Variants in NTRK2 observed in about 807,000 individuals in gnomAD.
NTRK2 encodes the protein BDNF/NT-3 growth factors receptor.
In NTRK2, 13 loss-of-function variants were observed where a neutral mutation model predicts 94.5. The observed-to-expected ratio is 0.14, with a 90% CI of 0.09 to 0.22. The LOEUF (loss-of-function observed/expected upper bound fraction) is 0.22. Among genes scored for constraint, NTRK2 ranks in the 10% least tolerant of loss-of-function variants. The pLI is 1.00. For missense variants in NTRK2, 639 were observed against 1,071.2 expected (o/e 0.60, Z 5.63); for synonymous variants, 372 against 407.4 (o/e 0.91, Z 1.05).
At chr9:84,942,941 G>A (rs533365963) in intron 15 of NTRK2, among the ~76,000 whole-genome samples, 19 of 152,276 alleles carry the variant, frequency 1.2e-4, no homozygotes, top group Admixed American at 1.2e-3. Flanking sequence ...TCCTAACCCA[G>A]AGGAACTCAG....
chr9:84,819,766 G>C (rs2072666854), intron 12 of NTRK2, among the ~76,000 whole-genome samples: 1 of 152,150 alleles, frequency 6.6e-6, no homozygotes, highest in African/African-American at 2.4e-5. Flanking sequence ...CTCTGTCTGG[G>C]ATCCAGCAAA....
At chr9:84,891,186 T>C (rs1205490176) in intron 14 of NTRK2, among the ~76,000 whole-genome samples, 1 of 152,088 alleles carries the variant, frequency 6.6e-6, no homozygotes, top group African/African-American at 2.4e-5. Context: ...CCAGTTCTCA[T>C]GGATGCTTGT....
Position 85,021,242 on chromosome 9 carries a change from C to T in NTRK2, c.2332-10C>T, listed in dbSNP as rs1220689287. 29 of 1,613,464 alleles carry T rather than the reference C, an allele frequency of 1.8e-5. No homozygotes were observed. The highest frequency in any genetic ancestry group is 2.5e-5 in the Non-Finnish European group (29 of 1,179,546). ...CCTCCTGTCTCATCCTATCTTTGAT[C>T]TCCATCCAGGTGATAGAGTGTATCA... is the stretch of plus-strand genomic sequence containing the variant. On this transcript the variant is annotated splice_polypyrimidine_tract_variant and intron_variant, in intron 18 of 18. Transcript: ENST00000277120.
intron 14 of NTRK2, among the ~76,000 whole-genome samples, chr9:84,908,127 G>C (rs1197462428): frequency 6.6e-6 from 1 of 152,202 alleles, no homozygotes; most frequent in Non-Finnish European, 1.5e-5. Flanking sequence ...GCTCCCTCTA[G>C]CTGGACCCTT....
intron 12 of NTRK2, among the ~76,000 whole-genome samples, chr9:84,854,902 G>A (rs1049927945): frequency 1.7e-5 from 2 of 119,186 alleles, no homozygotes; most frequent in Admixed American, 1.2e-4. Context: ...GGCTGAGATT[G>A]CACCACTGCA....
At chr9:84,837,303 G>A (rs757933278) in intron 12 of NTRK2, among the ~76,000 whole-genome samples, 1 of 152,078 alleles carries the variant, frequency 6.6e-6, no homozygotes, top group African/African-American at 2.4e-5. Flanking sequence ...TTGAAACTAG[G>A]GGGTTTGGCT....
chr9:85,023,185 A>G lies in NTRK2; in HGVS notation c.*1748A>G, dbSNP rs570221396. 2 of 233,052 alleles carry G rather than the reference A, an allele frequency of 8.6e-6. No homozygotes were observed. The highest frequency in any genetic ancestry group is 1.8e-4 in the South Asian group (1 of 5,528). The allele number at this position is 233,052 out of a possible 1,614,324, so 14.4% of individuals were successfully genotyped here. On this transcript the variant is annotated 3_prime_UTR_variant, in exon 19 of 19. Transcript: ENST00000277120. ...GAAATTTACAGCTATTTGAATGGTC[A>G]GATATACCAAGAAAGAAAAATATTT... is the stretch of plus-strand genomic sequence containing the variant.
chr9:84,711,798 T>C (rs1370117452), intron 6 of NTRK2, among the ~76,000 whole-genome samples: 2 of 152,216 alleles, frequency 1.3e-5, no homozygotes, highest in Non-Finnish European at 2.9e-5. Context: ...GTCTGTTTCT[T>C]ACCCTGAATG....
intron 4 of NTRK2, among the ~76,000 whole-genome samples, chr9:84,702,711 G>A (rs978768021): frequency 6.6e-6 from 1 of 152,220 alleles, no homozygotes; most frequent in Non-Finnish European, 1.5e-5. Context: ...TCCTTGCACA[G>A]AGTTCTTGAT....
chr9:84,941,024 G>A (rs557060648), intron 15 of NTRK2, among the ~76,000 whole-genome samples: 1 of 152,170 alleles, frequency 6.6e-6, no homozygotes, highest in Non-Finnish European at 1.5e-5. Flanking sequence ...GAAGACAATT[G>A]TTAGTGTTAC....
In NTRK2 at chr9:85,021,714, G is replaced by A. The variant is rs75032173; in HGVS notation, c.*277G>A. 1.5e-4 allele frequency: 68 copies of A among 459,164 alleles called. 2 individuals carry two copies. Among genetic ancestry groups the A allele is most frequent in the Middle Eastern group, 5.8e-4 (1 of 1,728 alleles). The allele number at this position is 459,164 out of a possible 1,614,324, so 28.4% of individuals were successfully genotyped here. A position where few individuals can be genotyped will look rare whatever the true frequency, so the allele number is the denominator to read the frequency against. On this transcript the variant is annotated 3_prime_UTR_variant, in exon 19 of 19. Coordinates refer to ENST00000277120, the MANE Select transcript of NTRK2 (RefSeq NM_006180.6). Reference sequence around the variant, plus strand: ...AAATTTTCTTTTTCTTTTTTTTTTCGTCTTCCCTGCTTCACGATTCTTACC... The same window carrying A: ...AAATTTTCTTTTTCTTTTTTTTTTCATCTTCCCTGCTTCACGATTCTTACC...
chr9:84,763,578 G>T (rs2065782126), intron 12 of NTRK2, among the ~76,000 whole-genome samples: 1 of 151,684 alleles, frequency 6.6e-6, no homozygotes, highest in Non-Finnish European at 1.5e-5. Flanking sequence ...TTAACATCTT[G>T]TTATTGAAAA....
chr9:84,795,963 T>C (rs982463538), intron 12 of NTRK2, among the ~76,000 whole-genome samples: 1 of 152,088 alleles, frequency 6.6e-6, no homozygotes, highest in African/African-American at 2.4e-5. Context: ...CTTTTCTTTT[T>C]TTTTTTTTTG....
At chr9:84,837,156 A>C (rs935280522) in intron 12 of NTRK2, among the ~76,000 whole-genome samples, 4 of 152,090 alleles carry the variant, frequency 2.6e-5, no homozygotes, top group African/African-American at 9.7e-5. Flanking sequence ...CATGTCAGGC[A>C]TAGAGAAGCT....
chr9:84,944,499 A>G (rs2078529597), intron 15 of NTRK2, among the ~76,000 whole-genome samples: 1 of 152,224 alleles, frequency 6.6e-6, no homozygotes, highest in African/African-American at 2.4e-5. Flanking sequence ...GAATTTGTTC[A>G]TGCCTTGTGA....
intron 9 of NTRK2, among the ~76,000 whole-genome samples, chr9:84,733,966 C>T (rs2063074071): frequency 6.6e-6 from 1 of 152,214 alleles, no homozygotes; most frequent in South Asian, 2.1e-4. Context: ...TTAGCCTCCA[C>T]TTTCCATATT....
intron 14 of NTRK2, among the ~76,000 whole-genome samples, chr9:84,882,370 G>A (rs759550829): frequency 9.2e-5 from 14 of 152,152 alleles, no homozygotes; most frequent in Admixed American, 1.3e-4. Flanking sequence ...TGACAACAAG[G>A]GAGAGTATGA....
In NTRK2 at chr9:84,941,268, G is replaced by A. The variant is rs2078399525; in HGVS notation, c.1764+6976G>A. Among the ~76,000 whole-genome samples the A allele has an allele frequency of 1.3e-5, 2 of 152,188 alleles. 1 individual carries two copies. The highest frequency in any genetic ancestry group is 4.1e-4 in the South Asian group (2 of 4,828). On this transcript the variant is annotated intron_variant, in intron 15 of 18. Transcript: ENST00000277120. ...GCATGCATGCATGCAGGAGTGCACT[G>A]TAAGATAGAGAGTTAGGCATTTGAA... is the stretch of plus-strand genomic sequence containing the variant.
At chr9:85,004,584 A>G (rs1041840758) in intron 17 of NTRK2, among the ~76,000 whole-genome samples, 6 of 152,256 alleles carry the variant, frequency 3.9e-5, no homozygotes, top group Non-Finnish European at 7.3e-5. Flanking sequence ...TGTAGAGGAT[A>G]GAGACCTTGG....
Sources: allele counts gnomAD v4.1 joint callset (sites outside exome capture counted in the v4.1 genomes callset), GRCh38; gene constraint gnomAD v4.1.1; transcripts MANE v1.5; gene names NCBI Gene and HGNC (gene_info 2026-07-23, HGNC 2026-07-21).